APP: variants seen among roughly 807,000 people sequenced by gnomAD.
The protein encoded by APP is amyloid-beta precursor protein.
APP carries 31 observed loss-of-function variants against 101.4 expected under a neutral mutation model. The ratio of observed to expected loss-of-function variants is 0.31; its 90% confidence interval spans 0.23 to 0.41. The LOEUF (loss-of-function observed/expected upper bound fraction) is 0.41, where lower values mean the gene tolerates loss of function less well. APP is among the 10% of genes least tolerant of loss of function. The pLI is 1.00. For missense variants in APP, 839 were observed against 1,003.7 expected (o/e 0.84, Z 2.22); for synonymous variants, 366 against 364.4 (o/e 1.00, Z -0.05).
Position 26,040,026 on chromosome 21 carries a change from A to T in APP, c.662+10974T>A, listed in dbSNP as rs567788849. On this transcript the variant is annotated intron_variant, in intron 5 of 17. Coordinates refer to ENST00000346798, the MANE Select transcript of APP (RefSeq NM_000484.4). The stretch of plus-strand genomic sequence containing the variant: ...CAAATTTTGGGATATTTCCATACAT[A>T]TAAGATATGTTGGAGATGGGACCCA... Among the ~76,000 whole-genome samples the T allele has an allele frequency of 2.0e-5, 3 of 152,306 alleles. No homozygotes were observed. In the East Asian group the frequency reaches 5.8e-4, roughly 29 times the overall value.
intron 1 of APP, among the ~76,000 whole-genome samples, chr21:26,115,176 A>C (rs1004635687): frequency 3.3e-5 from 5 of 152,196 alleles, no homozygotes; most frequent in Non-Finnish European, 7.4e-5. Flanking sequence ...AATAATTTAA[A>C]CTGCGAATCC....
intron 6 of APP, among the ~76,000 whole-genome samples, chr21:26,019,877 T>C (rs7281027): frequency 6.6e-6 from 1 of 152,256 alleles, no homozygotes. Flanking sequence ...GTCCTAACAG[T>C]TGTATGAAAA....
chr21:26,082,523 AAATG>A (rs1274107071), intron 3 of APP, among the ~76,000 whole-genome samples: 1 of 152,230 alleles, frequency 6.6e-6, no homozygotes, highest in African/African-American at 2.4e-5. Flanking sequence ...TATTCATTAT[AAATG>A]AATGAAAACA....
At chr21:26,166,028 TTAATC>T (rs1459254028) in intron 1 of APP, among the ~76,000 whole-genome samples, 1 of 152,158 alleles carries the variant, frequency 6.6e-6, no homozygotes, top group Non-Finnish European at 1.5e-5. Context: ...ATAACCAAGA[TTAATC>T]TAAAGAGGAA....
At chr21:26,052,603 T>G (rs2045881543) in intron 4 of APP, among the ~76,000 whole-genome samples, 1 of 152,232 alleles carries the variant, frequency 6.6e-6, no homozygotes, top group Non-Finnish European at 1.5e-5. Context: ...GTTAACCAAG[T>G]GCTCGGTCAG....
intron 13 of APP, among the ~76,000 whole-genome samples, chr21:25,918,750 A>G (rs1019532380): frequency 5.5e-4 from 83 of 151,108 alleles, no homozygotes; most frequent in African/African-American, 2.0e-3. Flanking sequence ...AATCGCGCTG[A>G]TTGCTAGCAC....
chr21:26,010,639 G>A (rs1047431620), intron 6 of APP, among the ~76,000 whole-genome samples: 11 of 151,078 alleles, frequency 7.3e-5, no homozygotes, highest in African/African-American at 2.4e-4. Flanking sequence ...GTGAAACCCT[G>A]TCTCTACTAA....
At chr21:26,129,550 T>G (rs1230042772) in intron 1 of APP, among the ~76,000 whole-genome samples, 1 of 152,102 alleles carries the variant, frequency 6.6e-6, no homozygotes, top group African/African-American at 2.4e-5. Flanking sequence ...CCAAACTAAG[T>G]TAAATTTTCA....
chr21:25,901,323 ACC>A (rs2038469922), intron 15 of APP, among the ~76,000 whole-genome samples: 3 of 64,244 alleles, frequency 4.7e-5, no homozygotes, highest in African/African-American at 6.9e-5. Context: ...AAAAAACAAA[ACC>A]AAGAGCTCTC....
intron 11 of APP, among the ~76,000 whole-genome samples, chr21:25,965,855 G>T (rs925435696): frequency 5.1e-4 from 77 of 152,188 alleles, no homozygotes; most frequent in African/African-American, 1.9e-3. Flanking sequence ...AAGATAAAAT[G>T]AACATATATA....
intron 9 of APP, among the ~76,000 whole-genome samples, chr21:25,978,016 T>A (rs1276105161): frequency 6.6e-6 from 1 of 152,254 alleles, no homozygotes; most frequent in African/African-American, 2.4e-5. Context: ...TCTACTGCAA[T>A]GTGAGAACTG....
intron 13 of APP, among the ~76,000 whole-genome samples, chr21:25,918,395 G>T (rs545735207): frequency 5.4e-4 from 83 of 152,328 alleles, no homozygotes; most frequent in Non-Finnish European, 9.0e-4. Context: ...GGCCGAATAG[G>T]AACAGCTCCG....
intron 13 of APP, chr21:25,945,856 T>G: frequency 2.2e-6 from 1 of 452,838 alleles, no homozygotes; most frequent in Non-Finnish European, 4.4e-6. Flanking sequence ...GCCTGGATAA[T>G]TTTTTTGTAG....
intron 1 of APP, among the ~76,000 whole-genome samples, chr21:26,118,475 A>G (rs2062486415): frequency 6.6e-6 from 1 of 152,178 alleles, no homozygotes; most frequent in Admixed American, 6.5e-5. Context: ...CACATACTAT[A>G]TAGTATGTGA....
intron 9 of APP, among the ~76,000 whole-genome samples, chr21:25,981,586 G>C (rs906041397): frequency 6.6e-6 from 1 of 152,062 alleles, no homozygotes; most frequent in Non-Finnish European, 1.5e-5. Context: ...TCCAGTGCCT[G>C]GTAGCAGACA....
intron 13 of APP, among the ~76,000 whole-genome samples, chr21:25,915,453 T>A (rs959941213): frequency 6.6e-5 from 10 of 152,248 alleles, no homozygotes; most frequent in African/African-American, 2.4e-4. Flanking sequence ...AGTCCTGGGC[T>A]TCATAACACC....
chr21:26,093,882 G>A (rs1035548836), intron 2 of APP, among the ~76,000 whole-genome samples: 5 of 152,094 alleles, frequency 3.3e-5, no homozygotes, highest in African/African-American at 4.8e-5. Flanking sequence ...TTGGGAGGCC[G>A]AGGCGGGCGG....
chr21:25,897,754 C>A, intron 15 of APP, 81 bp from the exon 16 acceptor site: 2 of 1,194,734 alleles, frequency 1.7e-6, no homozygotes, highest in South Asian at 1.2e-5. Context: ...ACAAAGCCTA[C>A]CCAAAACTTC....
intron 1 of APP, among the ~76,000 whole-genome samples, chr21:26,156,104 T>C (rs2146359678): frequency 6.6e-6 from 1 of 152,320 alleles, no homozygotes; most frequent in Middle Eastern, 3.4e-3. Flanking sequence ...TGTGCCTTTA[T>C]GCAGGCACTT....
Sources: gnomAD v4.1 joint callset for allele counts (sites outside exome capture counted in the v4.1 genomes callset) on GRCh38, gnomAD v4.1.1 for gene constraint, MANE v1.5 for transcripts, NCBI Gene and HGNC (gene_info 2026-07-23, HGNC 2026-07-21) for gene names.